The following PHACTR1 variants were observed in gnomAD, a reference collection of about 807,000 sequenced individuals.
The protein encoded by PHACTR1 is RPEL repeat containing 1.
PHACTR1 carries 16 observed loss-of-function variants against 69.2 expected under a neutral mutation model. The observed-to-expected ratio is 0.23, with a 90% CI of 0.16 to 0.35. The LOEUF (loss-of-function observed/expected upper bound fraction) is 0.35, where lower values mean the gene tolerates loss of function less well. PHACTR1 is among the 10% of genes least tolerant of loss of function. PHACTR1 has a pLI of 1.00. For synonymous variants in PHACTR1, 312 were observed against 284.5 expected, an observed-to-expected ratio of 1.10 and a Z score of -0.97; for missense variants, 510 against 734.7, an observed-to-expected ratio of 0.69 and a Z score of 3.54.
chr6:13,000,624 G>A (rs190722507), intron 4 of PHACTR1, among the ~76,000 whole-genome samples: 4 of 103,236 alleles, frequency 3.9e-5, no homozygotes, highest in East Asian at 5.4e-4. Context: ...GAGGAAGGAA[G>A]GAAGGAAGGA....
chr6:12,999,335 C>A lies in PHACTR1; in HGVS notation c.251-54030C>A, dbSNP rs533432509. Among the ~76,000 whole-genome samples the A allele has an allele frequency of 3.9e-5, 6 of 152,294 alleles. No individual in the cohort carries two copies. In the South Asian group the frequency reaches 1.2e-3, roughly 32 times the overall value. On this transcript the variant is annotated intron_variant, in intron 4 of 14. Transcript: ENST00000332995. ...TACGTTGAGGCCGGGCATGGTGGCT[C>A]ACGCCTGTAATCCCAGCACTTTGGG...
At chr6:12,920,808 A>T (rs1445327642) in intron 4 of PHACTR1, among the ~76,000 whole-genome samples, 1 of 152,228 alleles carries the variant, frequency 6.6e-6, no homozygotes, top group Non-Finnish European at 1.5e-5. Context: ...GCTTTTGGGG[A>T]TGGATGGGGA....
chr6:12,995,187 T>C (rs1797277704), intron 4 of PHACTR1, among the ~76,000 whole-genome samples: 1 of 151,078 alleles, frequency 6.6e-6, no homozygotes, highest in Non-Finnish European at 1.5e-5. Flanking sequence ...TCTGGGCTTG[T>C]TCAGGATATA....
At chr6:13,119,690 G>C (rs139026848) in intron 5 of PHACTR1, among the ~76,000 whole-genome samples, 1 of 152,166 alleles carries the variant, frequency 6.6e-6, no homozygotes, top group Non-Finnish European at 1.5e-5. Flanking sequence ...TGAAGGGCAG[G>C]GCCTGAGAGA....
At chr6:13,057,627 A>G (rs1807005290) in intron 5 of PHACTR1, among the ~76,000 whole-genome samples, 1 of 152,202 alleles carries the variant, frequency 6.6e-6, no homozygotes, top group East Asian at 1.9e-4. Context: ...ACCTTTATAC[A>G]AGGAATAAAT....
intron 4 of PHACTR1, among the ~76,000 whole-genome samples, chr6:12,900,987 T>C (rs1300257352): frequency 1.3e-5 from 2 of 152,178 alleles, no homozygotes; most frequent in South Asian, 2.1e-4. Flanking sequence ...AAAGGGACAA[T>C]CTGTAGGCGG....
At chr6:12,810,496 A>C (rs1173644353) in intron 4 of PHACTR1, among the ~76,000 whole-genome samples, 1 of 152,222 alleles carries the variant, frequency 6.6e-6, no homozygotes, top group Non-Finnish European at 1.5e-5. Flanking sequence ...GTGTTCTCTC[A>C]GTGGATGGGG....
rs116437801 is a variant in PHACTR1, at chr6:13,010,408, G to A, written c.251-42957G>A. 1.6e-3 allele frequency among the ~76,000 whole-genome samples: 251 copies of A among 152,246 alleles called. 2 individuals are homozygous for A. Among genetic ancestry groups the A allele is most frequent in the Admixed American group, 2.7e-3 (41 of 15,300 alleles). ...GCCCCAAAGTGCTGGGATTACAGGC[G>A]TGAGCCATCACACCCAGCCCTTCCC... On this transcript the variant is annotated intron_variant, in intron 4 of 14. Transcript: ENST00000332995.
chr6:12,941,728 C>T (rs1295910883), intron 4 of PHACTR1, among the ~76,000 whole-genome samples: 1 of 152,072 alleles, frequency 6.6e-6, no homozygotes, highest in Non-Finnish European at 1.5e-5. Context: ...GTCAGGGATA[C>T]AGCATAGTCA....
chr6:12,896,165 C>T (rs1265687679), intron 4 of PHACTR1, among the ~76,000 whole-genome samples: 3 of 152,190 alleles, frequency 2.0e-5, no homozygotes, highest in Non-Finnish European at 4.4e-5. Context: ...ACTTTATGTA[C>T]GTCAGGCATA....
chr6:12,730,144 T>C (rs949488639), intron 3 of PHACTR1, among the ~76,000 whole-genome samples: 5 of 152,214 alleles, frequency 3.3e-5, no homozygotes, highest in African/African-American at 9.6e-5. Context: ...AAATATTCTA[T>C]ATTCCTTGGT....
intron 5 of PHACTR1, among the ~76,000 whole-genome samples, chr6:13,088,382 T>C (rs368856227): frequency 6.6e-6 from 1 of 150,632 alleles, no homozygotes; most frequent in Non-Finnish European, 1.5e-5. Flanking sequence ...TGATTCTCCA[T>C]TTCACCCTGG....
chr6:12,804,815 T>C (rs1241074437), intron 4 of PHACTR1, among the ~76,000 whole-genome samples: 2 of 152,190 alleles, frequency 1.3e-5, no homozygotes, highest in African/African-American at 2.4e-5. Flanking sequence ...AAAAATATTT[T>C]ATTAAATCAT....
At chr6:12,994,939 G>A (rs1375038375) in intron 4 of PHACTR1, among the ~76,000 whole-genome samples, 3 of 152,126 alleles carry the variant, frequency 2.0e-5, no homozygotes, top group African/African-American at 7.2e-5. Context: ...CAGGGTCTGA[G>A]TTTGTTAATC....
At chr6:12,925,822 C>G (rs1026144913) in intron 4 of PHACTR1, among the ~76,000 whole-genome samples, 1 of 152,134 alleles carries the variant, frequency 6.6e-6, no homozygotes, top group Admixed American at 6.6e-5. Flanking sequence ...AAAGCAGTCT[C>G]CCATTTCCCT....
intron 4 of PHACTR1, among the ~76,000 whole-genome samples, chr6:13,001,147 G>A (rs1798051571): frequency 6.6e-6 from 1 of 152,202 alleles, no homozygotes; most frequent in African/African-American, 2.4e-5. Context: ...TGCAAGTAAT[G>A]TTGTGATAAA....
chr6:12,883,439 T>A (rs541652509), intron 4 of PHACTR1, among the ~76,000 whole-genome samples: 1 of 151,648 alleles, frequency 6.6e-6, no homozygotes, highest in African/African-American at 2.4e-5. Context: ...GGTCTCGAAC[T>A]CCTGACCCCA....
chr6:13,081,884 C>CG (rs1300630928), intron 5 of PHACTR1, among the ~76,000 whole-genome samples: 2 of 152,158 alleles, frequency 1.3e-5, no homozygotes, highest in Non-Finnish European at 2.9e-5. Context: ...TTAAATGCTA[C>CG]AGCAATAGAC....
rs1435927588 is a variant in PHACTR1 at position 12,724,718 on chromosome 6, C to T, written c.103+5871C>T. On this transcript the variant is annotated intron_variant, in intron 3 of 14. Transcript: ENST00000332995. ...GGTCAAGCTGTGGCTCAGAGTCATT[C>T]TGCTGGGAACTCAAATCACACAGCT... 2.6e-5 allele frequency among the ~76,000 whole-genome samples: 4 copies of T among 152,286 alleles called. No individual in the cohort carries two copies. In the East Asian group the frequency reaches 7.7e-4, roughly 29 times the overall value.
Sources: gnomAD v4.1 joint callset for allele counts (sites outside exome capture counted in the v4.1 genomes callset) on GRCh38, gnomAD v4.1.1 for gene constraint, MANE v1.5 for transcripts, NCBI Gene and HGNC (gene_info 2026-07-23, HGNC 2026-07-21) for gene names.